The following ARHGEF7 variants were observed in gnomAD, a reference collection of about 807,000 sequenced individuals.
ARHGEF7 encodes the protein PAK-interacting exchange factor beta.
In ARHGEF7, 33 loss-of-function variants were observed where a neutral mutation model predicts 109.8. The observed-to-expected ratio is 0.30, with a 90% CI of 0.23 to 0.40. The LOEUF (loss-of-function observed/expected upper bound fraction) is 0.40, where lower values mean the gene tolerates loss of function less well. Among genes scored for constraint, ARHGEF7 ranks in the 10% least tolerant of loss-of-function variants. ARHGEF7 has a pLI of 1.00. For missense variants in ARHGEF7, 938 were observed against 1,098.5 expected, an observed-to-expected ratio of 0.85 and a Z score of 2.07; for synonymous variants, 458 against 424.6, an observed-to-expected ratio of 1.08 and a Z score of -0.97.
chr13:111,298,732 C>T (rs868359975), intron 19 of ARHGEF7, among the ~76,000 whole-genome samples: 6 of 152,194 alleles, frequency 3.9e-5, no homozygotes, highest in African/African-American at 7.2e-5. Context: ...GCCCAGGGGA[C>T]GCATGTGAGG....
intron 19 of ARHGEF7, among the ~76,000 whole-genome samples, chr13:111,296,796 C>T (rs1020736991): frequency 6.6e-6 from 1 of 152,090 alleles, no homozygotes; most frequent in East Asian, 1.9e-4. Flanking sequence ...GCTAAGGGTG[C>T]GCTGTGATTC....
chr13:111,232,402 T>C (rs1367829651), intron 5 of ARHGEF7, among the ~76,000 whole-genome samples: 2 of 152,076 alleles, frequency 1.3e-5, no homozygotes, highest in Non-Finnish European at 2.9e-5. Flanking sequence ...ACACCCACAC[T>C]GTCCATAGAA....
chr13:111,221,009 T>C (rs1160928255), intron 5 of ARHGEF7, among the ~76,000 whole-genome samples: 1 of 149,124 alleles, frequency 6.7e-6, no homozygotes, highest in East Asian at 2.0e-4. Flanking sequence ...AAGGGGAGTT[T>C]ATTATATATA....
intron 16 of ARHGEF7, among the ~76,000 whole-genome samples, chr13:111,284,129 G>A (rs1353103979): frequency 6.6e-6 from 1 of 152,120 alleles, no homozygotes; most frequent in Non-Finnish European, 1.5e-5. Context: ...ATGAGGAGTG[G>A]CGGTGAGAGT....
rs1017489037 is a variant in ARHGEF7 at position 111,293,717 on chromosome 13, A to G, written c.2311+1423A>G. 14 of 985,116 alleles carry G rather than the reference A, an allele frequency of 1.4e-5. No homozygotes were observed. In the African/African-American group the frequency reaches 2.4e-4, roughly 17 times the overall value. 61.0% of individuals were successfully genotyped at this position (985,116 alleles called of 1,614,324 possible). On this transcript the variant is annotated intron_variant, in intron 19 of 21. Transcript: ENST00000646102. The stretch of plus-strand genomic sequence containing the variant: ...GATGCCATAGTAAATTGAGAATAAC[A>G]TTTTTTCCTTCTTCAGGGTGGCTGT...
chr13:111,184,474 C>T (rs1679874622), intron 2 of ARHGEF7, among the ~76,000 whole-genome samples: 1 of 152,108 alleles, frequency 6.6e-6, no homozygotes, highest in Non-Finnish European at 1.5e-5. Context: ...TTGTTTAGCA[C>T]TCAGTTTGGA....
intron 6 of ARHGEF7, among the ~76,000 whole-genome samples, chr13:111,240,426 A>G (rs2087567724): frequency 6.6e-6 from 1 of 152,224 alleles, no homozygotes; most frequent in Admixed American, 6.5e-5. Context: ...CAGTGCTAAC[A>G]CACCACATTA....
At position 111,284,130 on chromosome 13, in the gene ARHGEF7, C is replaced by T. The variant is rs12873645; in HGVS notation, c.1950+767C>T. Among the ~76,000 whole-genome samples the T allele has an allele frequency of 1.6e-3, 244 of 152,048 alleles. 1 individual carries two copies. Among genetic ancestry groups the T allele is most frequent in the Non-Finnish European group, 2.3e-3 (158 of 67,990 alleles). Reference sequence around the variant, plus strand: ...CATGGTGGTGAGGTATGAGGAGTGGCGGTGAGAGTGTGGGTATCGTGCGCG... The same window carrying T: ...CATGGTGGTGAGGTATGAGGAGTGGTGGTGAGAGTGTGGGTATCGTGCGCG... On this transcript the variant is annotated intron_variant, in intron 16 of 21. Transcript: ENST00000646102.
chr13:111,247,916 G>A (rs953134882), intron 8 of ARHGEF7, among the ~76,000 whole-genome samples: 2 of 152,110 alleles, frequency 1.3e-5, no homozygotes, highest in South Asian at 4.1e-4. Flanking sequence ...TTGGGGCCTC[G>A]ACCTGGCCCT....
chr13:111,187,154 G>A (rs1485458778), intron 2 of ARHGEF7, among the ~76,000 whole-genome samples: 2 of 152,202 alleles, frequency 1.3e-5, no homozygotes, highest in Non-Finnish European at 2.9e-5. Context: ...CTGGGGGACT[G>A]TCTGAATTTT....
intron 1 of ARHGEF7, among the ~76,000 whole-genome samples, chr13:111,128,241 A>T (rs2067710215): frequency 6.6e-6 from 1 of 152,252 alleles, no homozygotes; most frequent in South Asian, 2.1e-4. Flanking sequence ...AACCAAAGCC[A>T]TCTAGATTGA....
intron 2 of ARHGEF7, among the ~76,000 whole-genome samples, chr13:111,168,692 TG>T (rs1459009674): frequency 6.6e-6 from 1 of 152,214 alleles, no homozygotes; most frequent in East Asian, 1.9e-4. Context: ...TCACAAAACT[TG>T]GGTTTAGTTT....
intron 2 of ARHGEF7, among the ~76,000 whole-genome samples, chr13:111,203,923 T>G (rs2081468372): frequency 6.6e-6 from 1 of 152,192 alleles, no homozygotes; most frequent in Non-Finnish European, 1.5e-5. Flanking sequence ...GGTGCACGTC[T>G]CCATTCGGAT....
At position 111,128,499 on chromosome 13, in the gene ARHGEF7, GCAAA is replaced by G. The variant is rs60774287; in HGVS notation, c.165+12833_165+12836del. Among the ~76,000 whole-genome samples the G allele has an allele frequency of 4.0e-3, 612 of 151,876 alleles. 4 individuals carry two copies. The highest frequency in any genetic ancestry group is 7.6e-3 in the African/African-American group (313 of 41,418). The stretch of plus-strand genomic sequence containing the variant: ...CAGAGCGAGACCCTGTCTCAAACAA[GCAAA>G]CAAACAAACAAACAAACAAACAAAA... On this transcript the variant is annotated intron_variant, in intron 1 of 21. Transcript: ENST00000646102.
At chr13:111,209,768 G>A (rs769247716) in intron 3 of ARHGEF7, 104 bp from the exon 4 acceptor site, 68 of 1,330,296 alleles carry the variant, frequency 5.1e-5, no homozygotes, top group Non-Finnish European at 6.3e-5. Context: ...TGGTCTTTTG[G>A]TGTGTCCCTC....
At chr13:111,240,984 C>T (rs2087673269) in intron 6 of ARHGEF7, among the ~76,000 whole-genome samples, 1 of 152,092 alleles carries the variant, frequency 6.6e-6, no homozygotes, top group Admixed American at 6.5e-5. Flanking sequence ...ATGCTAAGTA[C>T]TCCTTTAATG....
intron 19 of ARHGEF7, among the ~76,000 whole-genome samples, chr13:111,299,843 TC>T (rs1474721803): frequency 6.6e-6 from 1 of 152,198 alleles, no homozygotes; most frequent in Non-Finnish European, 1.5e-5. Flanking sequence ...AACATGAGTG[TC>T]CCTTCTTCAT....
intron 2 of ARHGEF7, among the ~76,000 whole-genome samples, chr13:111,179,180 G>C (rs774500810): frequency 3.3e-5 from 5 of 151,910 alleles, no homozygotes; most frequent in Non-Finnish European, 7.4e-5. Context: ...CCGGGTTCAA[G>C]CGATTCTCGT....
At position 111,129,609 on chromosome 13, in the gene ARHGEF7, A is replaced by G. The variant is rs149067984; in HGVS notation, c.165+13918A>G. 2.0e-3 allele frequency among the ~76,000 whole-genome samples: 299 copies of G among 152,320 alleles called. 1 individual carries two copies. Among genetic ancestry groups the G allele is most frequent in the African/African-American group, 7.0e-3 (291 of 41,554 alleles). On this transcript the variant is annotated intron_variant, in intron 1 of 21. Transcript: ENST00000646102. ...AAATATGTACAGATGGCAAATAAGC[A>G]CTCAAAAAGAAGCTCAACATTATCA... is the stretch of plus-strand genomic sequence containing the variant.
Sources: allele counts gnomAD v4.1 joint callset (sites outside exome capture counted in the v4.1 genomes callset), GRCh38; gene constraint gnomAD v4.1.1; transcripts MANE v1.5; gene names NCBI Gene and HGNC (gene_info 2026-07-23, HGNC 2026-07-21).